The following PELI1 variants were observed in gnomAD, a reference collection of about 807,000 sequenced individuals.
The protein encoded by PELI1 is pellino E3 ubiquitin protein ligase 1.
In PELI1, 15 loss-of-function variants were observed where a neutral mutation model predicts 41.3. The ratio of observed to expected loss-of-function variants is 0.36; its 90% CI spans 0.24 to 0.56. PELI1 has a LOEUF of 0.56. Ranked by LOEUF, PELI1 falls within the 20% of genes least tolerant of loss-of-function variation. The pLI is 0.82. For synonymous variants in PELI1, 178 were observed against 180.1 expected (o/e 0.99, Z 0.09); for missense variants, 403 against 525.5 (o/e 0.77, Z 2.28).
At chr2:64,113,464 G>A (rs1680891016) in intron 1 of PELI1, among the ~76,000 whole-genome samples, 1 of 152,060 alleles carries the variant, frequency 6.6e-6, no homozygotes, top group Admixed American at 6.5e-5. Flanking sequence ...CTAGCACCAA[G>A]AACATGAAAT....
intron 1 of PELI1, among the ~76,000 whole-genome samples, chr2:64,142,616 C>T (rs1223917952): frequency 6.6e-6 from 1 of 152,126 alleles, no homozygotes; most frequent in Non-Finnish European, 1.5e-5. Flanking sequence ...AATTCATATG[C>T]TGTATTTGTA....
chr2:64,124,204 G>A (rs114515989), intron 1 of PELI1, among the ~76,000 whole-genome samples: 2,823 of 152,206 alleles, frequency 0.019, 41 homozygotes, highest in African/African-American at 0.034. Flanking sequence ...TTTGTTTTTC[G>A]GGTGAAAATG....
chr2:64,142,946 T>C (rs1010817312), intron 1 of PELI1, among the ~76,000 whole-genome samples: 7 of 152,176 alleles, frequency 4.6e-5, no homozygotes, highest in Non-Finnish European at 8.8e-5. Flanking sequence ...GACCTTTTCT[T>C]ATATATAAAG....
chr2:64,100,428 A>G lies in PELI1; in HGVS notation c.273T>C (p.Tyr91=), dbSNP rs932180258. 3 of 1,563,966 alleles carry G rather than the reference A, an allele frequency of 1.9e-6. No individual in the cohort carries two copies. The African/African-American group carries it at 4.0e-5, about 21-fold the overall frequency. The part of the protein sequence containing the change: ...LSRAQTVVVE[Y]THDSNTDMFQ... ...ACATATCGGTGTTGCTGTCATGAGT[A>G]TATTCAACCACCACAGTCTGGGCCC... is the stretch of plus-strand genomic sequence containing the variant. Residue 91 remains tyrosine, a synonymous_variant, in exon 4 of 7, where the codon TAT becomes TAC. Transcript: ENST00000358912.
intron 3 of PELI1, among the ~76,000 whole-genome samples, chr2:64,103,065 A>G (rs573528642): frequency 8.1e-4 from 123 of 151,736 alleles, no homozygotes; most frequent in Middle Eastern, 3.4e-3. Flanking sequence ...CTGGTCTCGA[A>G]CTCCCGAGCT....
intron 1 of PELI1, among the ~76,000 whole-genome samples, chr2:64,108,924 C>T (rs1680708836): frequency 6.6e-6 from 1 of 152,338 alleles, no homozygotes. Flanking sequence ...GTAACTGCTC[C>T]ACTCCAGCCA....
At chr2:64,126,135 G>A (rs1681375020) in intron 1 of PELI1, among the ~76,000 whole-genome samples, 1 of 152,126 alleles carries the variant, frequency 6.6e-6, no homozygotes, top group Non-Finnish European at 1.5e-5. Flanking sequence ...TTGCTTTGAT[G>A]TTGGAGCAGT....
intron 3 of PELI1, among the ~76,000 whole-genome samples, chr2:64,102,424 A>G (rs1056513812): frequency 1.1e-4 from 16 of 152,070 alleles, no homozygotes; most frequent in African/African-American, 3.9e-4. Flanking sequence ...TGCAGTGGCT[A>G]TTTACAGGCA....
chr2:64,125,931 TATGAAACATAA>T (rs1681368730), intron 1 of PELI1, among the ~76,000 whole-genome samples: 1 of 152,238 alleles, frequency 6.6e-6, no homozygotes, highest in Non-Finnish European at 1.5e-5. Flanking sequence ...ATAAGGTGTA[TATGAAACATAA>T]ATGAATTTTA....
At chr2:64,104,513 A>G (rs564137319) in intron 3 of PELI1, 188 bp downstream of exon 3, 7 of 806,504 alleles carry the variant, frequency 8.7e-6, no homozygotes, top group Non-Finnish European at 1.2e-5. Flanking sequence ...TTTTTTTTTT[A>G]AAAGTCCAAT....
chr2:64,098,381 C>A (rs982060779), intron 4 of PELI1, among the ~76,000 whole-genome samples: 3 of 152,182 alleles, frequency 2.0e-5, no homozygotes, highest in African/African-American at 7.2e-5. Context: ...ATCTACCAAT[C>A]CAGCCGAATT....
At chr2:64,097,627 G>C (rs1047453681) in intron 4 of PELI1, among the ~76,000 whole-genome samples, 9 of 152,178 alleles carry the variant, frequency 5.9e-5, no homozygotes, top group Admixed American at 3.3e-4. Context: ...CAAACATTTG[G>C]AAATTATCAG....
At chr2:64,122,609 T>C (rs1051584231) in intron 1 of PELI1, among the ~76,000 whole-genome samples, 1 of 152,174 alleles carries the variant, frequency 6.6e-6, no homozygotes, top group African/African-American at 2.4e-5. Context: ...AAATTATTTC[T>C]TCCTTTAGTT....
chr2:64,127,331 G>A (rs963828575), intron 1 of PELI1, among the ~76,000 whole-genome samples: 2 of 152,176 alleles, frequency 1.3e-5, no homozygotes, highest in Non-Finnish European at 2.9e-5. Context: ...TTGAGCACAG[G>A]AGTTTGAGGC....
intron 4 of PELI1, 92 bp downstream of exon 4, chr2:64,100,306 T>A (rs377756557): frequency 1.9e-5 from 13 of 696,342 alleles, no homozygotes; most frequent in East Asian, 1.6e-4. Context: ...AATATAAAAA[T>A]CTGATAATCC....
chr2:64,130,242 G>T (rs374607683), intron 1 of PELI1, among the ~76,000 whole-genome samples: 4 of 152,150 alleles, frequency 2.6e-5, no homozygotes, highest in African/African-American at 9.6e-5. Context: ...AAACTCCTGG[G>T]TTACTCCCAT....
intron 1 of PELI1, among the ~76,000 whole-genome samples, chr2:64,116,652 A>G (rs942489652): frequency 2.0e-5 from 3 of 152,220 alleles, no homozygotes; most frequent in Non-Finnish European, 4.4e-5. Context: ...CATTTTACAG[A>G]TAATAAAACT....
chr2:64,112,709 AT>A (rs1376140190), intron 1 of PELI1, among the ~76,000 whole-genome samples: 2 of 152,204 alleles, frequency 1.3e-5, no homozygotes, highest in Non-Finnish European at 2.9e-5. Context: ...AGTACCAGTT[AT>A]TTATATACAT....
intron 1 of PELI1, chr2:64,143,538 G>A (rs748062838): frequency 6.6e-6 from 1 of 152,100 alleles, no homozygotes; most frequent in Non-Finnish European, 1.5e-5. Context: ...TAGGGGACCC[G>A]GGGGTGAAAT....
Sources: gnomAD v4.1 joint callset for allele counts (sites outside exome capture counted in the v4.1 genomes callset) on GRCh38, gnomAD v4.1.1 for gene constraint, MANE v1.5 for transcripts, NCBI Gene and HGNC (gene_info 2026-07-23, HGNC 2026-07-21) for gene names.